The following OTOGL variants were observed in gnomAD, a reference collection of about 807,000 sequenced individuals.
OTOGL encodes otogelin-like protein.
OTOGL carries 285 observed loss-of-function variants against 318.5 expected under a neutral mutation model. That is an observed-to-expected ratio of 0.89 (90% CI 0.81 to 0.99). The LOEUF is 0.99. Ranked by LOEUF, OTOGL falls within the 50% of genes least tolerant of loss-of-function variation. OTOGL has a pLI of 0.00. For synonymous variants in OTOGL, 987 were observed against 936.5 expected, an observed-to-expected ratio of 1.05 and a Z score of -0.99; for missense variants, 2,899 against 2,845.6, an observed-to-expected ratio of 1.02 and a Z score of -0.43.
At chr12:80,244,519 C>G (rs1169710249) in intron 11 of OTOGL, among the ~76,000 whole-genome samples, 1 of 149,268 alleles carries the variant, frequency 6.7e-6, no homozygotes, top group Non-Finnish European at 1.5e-5. Flanking sequence ...TTTATGGCTG[C>G]ATAGTATTCC....
At chr12:80,180,416 C>T (rs56139244) in intron 1 of OTOGL, among the ~76,000 whole-genome samples, 11,770 of 152,172 alleles carry the variant, frequency 0.077, 1,484 homozygotes, top group African/African-American at 0.27. Context: ...TATCAAAAGC[C>T]CATGGGCAAC....
At chr12:80,139,100 G>C (rs926767637) in intron 1 of OTOGL, among the ~76,000 whole-genome samples, 81 of 152,180 alleles carry the variant, frequency 5.3e-4, no homozygotes, top group African/African-American at 1.9e-3. Context: ...AGTTAAGAGA[G>C]AAAGAATAAG....
At chr12:80,188,010 C>T (rs1431406816) in intron 1 of OTOGL, among the ~76,000 whole-genome samples, 1 of 152,166 alleles carries the variant, frequency 6.6e-6, no homozygotes, top group Non-Finnish European at 1.5e-5. Context: ...ACAAGGCTGA[C>T]TCAGTGCCAG....
intron 14 of OTOGL, 36 bp from the exon 15 acceptor site, chr12:80,254,488 A>G: frequency 6.5e-7 from 1 of 1,547,262 alleles, no homozygotes; most frequent in Non-Finnish European, 8.9e-7. Context: ...CAGTTTCTCT[A>G]TGCCAATAGA....
chr12:80,349,602 G>A (rs1889413729), intron 44 of OTOGL, among the ~76,000 whole-genome samples: 1 of 152,100 alleles, frequency 6.6e-6, no homozygotes, highest in Non-Finnish European at 1.5e-5. Context: ...ACGTGCTAAT[G>A]GCAATATAGG....
chr12:80,128,308 C>T (rs1870989710), intron 1 of OTOGL, among the ~76,000 whole-genome samples: 1 of 152,220 alleles, frequency 6.6e-6, no homozygotes, highest in Admixed American at 6.5e-5. Flanking sequence ...AGGTCCACTC[C>T]AGACCCTGTT....
At chr12:80,190,786 C>CA (rs55950528) in intron 1 of OTOGL, among the ~76,000 whole-genome samples, 2,105 of 73,598 alleles carry the variant, frequency 0.029, 209 homozygotes, top group African/African-American at 0.054. Flanking sequence ...GACTCCGTCT[C>CA]AAAAAAAAAA....
At chr12:80,322,265 G>A (rs538682552) in intron 34 of OTOGL, among the ~76,000 whole-genome samples, 1 of 152,284 alleles carries the variant, frequency 6.6e-6, no homozygotes, top group South Asian at 2.1e-4. Flanking sequence ...GCTTACTTCA[G>A]TTTACCTACC....
chr12:80,323,114 ACACAC>A (rs1887447026), intron 34 of OTOGL, among the ~76,000 whole-genome samples: 1 of 68,238 alleles, frequency 1.5e-5, no homozygotes, highest in Non-Finnish European at 4.3e-5. Flanking sequence ...ACACACACAC[ACACAC>A]ACACACACAC....
intron 24 of OTOGL, among the ~76,000 whole-genome samples, chr12:80,273,592 C>T (rs1883572975): frequency 6.6e-6 from 1 of 152,078 alleles, no homozygotes; most frequent in Admixed American, 6.6e-5. Flanking sequence ...TGAGTATATG[C>T]TGCACACCAG....
At chr12:80,136,284 T>C (rs922590273) in intron 1 of OTOGL, among the ~76,000 whole-genome samples, 1 of 152,214 alleles carries the variant, frequency 6.6e-6, no homozygotes, top group Non-Finnish European at 1.5e-5. Flanking sequence ...ATCTACCCAG[T>C]GGTAAATTCA....
intron 1 of OTOGL, among the ~76,000 whole-genome samples, chr12:80,139,739 A>T (rs145124840): frequency 6.6e-6 from 1 of 152,334 alleles, no homozygotes; most frequent in African/African-American, 2.4e-5. Context: ...CTTAATGAAT[A>T]TTAGAGGAAT....
intron 17 of OTOGL, 48 bp downstream of exon 17, chr12:80,256,508 A>ACAAACAAT: frequency 1.3e-6 from 2 of 1,514,400 alleles, no homozygotes; most frequent in Non-Finnish European, 8.8e-7. Context: ...AAACAAACAA[A>ACAAACAAT]CAAACAAACA....
intron 1 of OTOGL, among the ~76,000 whole-genome samples, chr12:80,144,845 A>T (rs1382700741): frequency 6.6e-6 from 1 of 152,076 alleles, no homozygotes; most frequent in Non-Finnish European, 1.5e-5. Context: ...TTGGCTGCAT[A>T]AATGTCTTCT....
chr12:80,277,451 A>G (rs1167680776), intron 24 of OTOGL, among the ~76,000 whole-genome samples: 4 of 136,354 alleles, frequency 2.9e-5, no homozygotes, highest in Non-Finnish European at 6.3e-5. Context: ...TTCAATTTTT[A>G]TATTAAAACT....
chr12:80,153,367 C>A (rs1872910562), intron 1 of OTOGL, among the ~76,000 whole-genome samples: 1 of 152,134 alleles, frequency 6.6e-6, no homozygotes, highest in Admixed American at 6.6e-5. Flanking sequence ...GACCTAATCA[C>A]CCCCTCAAAG....
chr12:80,268,778 G>A (rs1184481079), intron 22 of OTOGL, among the ~76,000 whole-genome samples: 1 of 151,888 alleles, frequency 6.6e-6, no homozygotes, highest in Non-Finnish European at 1.5e-5. Flanking sequence ...CAATCAGTGT[G>A]TCTCATTTTC....
chr12:80,350,519 C>T (rs1197795967), intron 44 of OTOGL, among the ~76,000 whole-genome samples: 2 of 152,072 alleles, frequency 1.3e-5, no homozygotes, highest in African/African-American at 4.8e-5. Context: ...TACATTCCAC[C>T]AACAGTGTGC....
intron 1 of OTOGL, among the ~76,000 whole-genome samples, chr12:80,128,071 C>T (rs1034513392): frequency 1.3e-5 from 2 of 152,154 alleles, no homozygotes; most frequent in Non-Finnish European, 2.9e-5. Context: ...AGCTTTGTTC[C>T]GTTGCTGGTG....
Sources: allele counts gnomAD v4.1 joint callset (sites outside exome capture counted in the v4.1 genomes callset), GRCh38; gene constraint gnomAD v4.1.1; transcripts MANE v1.5; gene names NCBI Gene and HGNC (gene_info 2026-07-23, HGNC 2026-07-21).